EBF1: variants seen among roughly 807,000 people sequenced by gnomAD.
EBF1 encodes transcription factor COE1.
A neutral mutation model predicts 68.4 loss-of-function variants in EBF1; 10 were observed. The ratio of observed to expected loss-of-function variants is 0.15; its 90% CI spans 0.09 to 0.25. EBF1 has a LOEUF of 0.25. EBF1 is among the 10% of genes least tolerant of loss of function. EBF1 has a pLI of 1.00. For missense variants in EBF1, 509 were observed against 794.4 expected, an observed-to-expected ratio of 0.64 and a Z score of 4.32; for synonymous variants, 298 against 299.8, an observed-to-expected ratio of 0.99 and a Z score of 0.06.
chr5:159,057,496 T>C (rs1276543586), intron 6 of EBF1, among the ~76,000 whole-genome samples: 3 of 152,202 alleles, frequency 2.0e-5, no homozygotes, highest in Non-Finnish European at 4.4e-5. Flanking sequence ...GGGGCTTCCT[T>C]GGACCCAAAC....
At chr5:159,065,604 G>T (rs750743380) in intron 6 of EBF1, among the ~76,000 whole-genome samples, 14 of 151,488 alleles carry the variant, frequency 9.2e-5, no homozygotes, top group Non-Finnish European at 2.1e-4. Context: ...CAGCAAATGA[G>T]CAAAAAAGTT....
At chr5:158,906,091 C>T (rs997399249) in intron 6 of EBF1, among the ~76,000 whole-genome samples, 1 of 152,052 alleles carries the variant, frequency 6.6e-6, no homozygotes, top group Admixed American at 6.6e-5. Context: ...CCAGCTTTAC[C>T]ATGAGGGGAA....
At chr5:158,881,632 A>T (rs1798924741) in intron 6 of EBF1, among the ~76,000 whole-genome samples, 1 of 152,226 alleles carries the variant, frequency 6.6e-6, no homozygotes, top group Non-Finnish European at 1.5e-5. Context: ...ATGGGAAGTC[A>T]GCATAGAGAA....
intron 6 of EBF1, among the ~76,000 whole-genome samples, chr5:159,071,323 A>G (rs1424431112): frequency 6.6e-6 from 1 of 152,246 alleles, no homozygotes; most frequent in Non-Finnish European, 1.5e-5. Flanking sequence ...TGAAGAGACC[A>G]AGATTGGCTA....
chr5:159,064,825 C>T (rs1776483568), intron 6 of EBF1, among the ~76,000 whole-genome samples: 1 of 150,892 alleles, frequency 6.6e-6, no homozygotes, highest in Non-Finnish European at 1.5e-5. Flanking sequence ...CAAAGATAAC[C>T]AGGTGAACCC....
At chr5:159,016,962 A>G in intron 6 of EBF1, among the ~76,000 whole-genome samples, 1 of 152,258 alleles carries the variant, frequency 6.6e-6, no homozygotes, top group Admixed American at 6.5e-5. Context: ...TGAGTCCACC[A>G]GAAATATAAT....
At chr5:159,006,341 A>G (rs2127663655) in intron 6 of EBF1, among the ~76,000 whole-genome samples, 1 of 152,200 alleles carries the variant, frequency 6.6e-6, no homozygotes, top group Middle Eastern at 3.4e-3. Context: ...TGGGGATGAC[A>G]CCATGAGTCC....
chr5:158,830,666 G>A (rs1169209363), intron 7 of EBF1, among the ~76,000 whole-genome samples: 1 of 152,142 alleles, frequency 6.6e-6, no homozygotes, highest in Non-Finnish European at 1.5e-5. Context: ...ACCGACTACA[G>A]TTTGAGTATT....
At chr5:159,089,824 G>A (rs1781313969) in intron 4 of EBF1, among the ~76,000 whole-genome samples, 1 of 144,422 alleles carries the variant, frequency 6.9e-6, no homozygotes, top group South Asian at 2.2e-4. Flanking sequence ...AGGAAAGAAA[G>A]AAAGAAGAAA....
At chr5:158,716,843 A>G (rs1760829737) in intron 11 of EBF1, among the ~76,000 whole-genome samples, 1 of 152,194 alleles carries the variant, frequency 6.6e-6, no homozygotes, top group Non-Finnish European at 1.5e-5. Flanking sequence ...ACAGAACATG[A>G]CGAGCAGGTC....
chr5:159,014,499 C>G (rs1330606963), intron 6 of EBF1, among the ~76,000 whole-genome samples: 1 of 152,188 alleles, frequency 6.6e-6, no homozygotes, highest in African/African-American at 2.4e-5. Context: ...TTATGAGGCA[C>G]AAGTGAGAAC....
intron 6 of EBF1, among the ~76,000 whole-genome samples, chr5:158,854,374 C>G (rs907077231): frequency 6.6e-6 from 1 of 152,208 alleles, no homozygotes; most frequent in Non-Finnish European, 1.5e-5. Flanking sequence ...AGGATCGCAT[C>G]ACTTGAAATT....
At chr5:158,712,099 T>C in intron 14 of EBF1, 55 bp downstream of exon 14, 1 of 1,595,254 alleles carries the variant, frequency 6.3e-7, no homozygotes, top group Admixed American at 1.7e-5. Context: ...CATGGCATGA[T>C]GCCAAGTTCT....
rs373081716 is a variant in EBF1, at chr5:158,886,988, G to T, written c.555-46878C>A. Among the ~76,000 whole-genome samples, 9 of 152,244 alleles carry T rather than the reference G, an allele frequency of 5.9e-5. 1 individual carries two copies. The South Asian group carries it at 6.2e-4, about 11-fold the overall frequency. ...TTGCACTCCAGCCTGGGCAACAAGAGAGAAACTCCATCTCAAAAAAAAAGA... is the reference window on the plus strand; with the variant it reads ...TTGCACTCCAGCCTGGGCAACAAGATAGAAACTCCATCTCAAAAAAAAAGA... On this transcript the variant is annotated intron_variant, in intron 6 of 15. Coordinates refer to ENST00000313708, the MANE Select transcript of EBF1 (RefSeq NM_024007.5).
intron 15 of EBF1, among the ~76,000 whole-genome samples, chr5:158,706,029 C>T (rs1757781400): frequency 6.6e-6 from 1 of 152,190 alleles, no homozygotes; most frequent in Admixed American, 6.5e-5. Context: ...TTCGCTCAAG[C>T]ATTATATCCC....
chr5:158,949,785 C>T (rs59181136), intron 6 of EBF1, among the ~76,000 whole-genome samples: 3,028 of 152,326 alleles, frequency 0.02, 118 homozygotes, highest in African/African-American at 0.069. Context: ...CTAAGCCATA[C>T]ACACCCTACC....
chr5:158,940,379 C>T (rs1446904621), intron 6 of EBF1, among the ~76,000 whole-genome samples: 1 of 152,216 alleles, frequency 6.6e-6, no homozygotes, highest in Admixed American at 6.5e-5. Flanking sequence ...ACCTCTACTA[C>T]TGTGTCCAGA....
intron 6 of EBF1, among the ~76,000 whole-genome samples, chr5:159,047,765 C>T (rs144867046): frequency 8.8e-4 from 134 of 152,288 alleles, no homozygotes; most frequent in African/African-American, 3.0e-3. Context: ...CCACATACCC[C>T]ATTACTGCTA....
intron 15 of EBF1, among the ~76,000 whole-genome samples, chr5:158,705,875 C>T (rs55915433): frequency 0.053 from 8,061 of 152,296 alleles, 306 homozygotes; most frequent in Non-Finnish European, 0.081. Flanking sequence ...CAGTGCTTCC[C>T]GTCAACTGCT....
Sources: gnomAD v4.1 joint callset for allele counts (sites outside exome capture counted in the v4.1 genomes callset) on GRCh38, gnomAD v4.1.1 for gene constraint, MANE v1.5 for transcripts, NCBI Gene and HGNC (gene_info 2026-07-23, HGNC 2026-07-21) for gene names.